PCDHA8: variants seen among roughly 807,000 people sequenced by gnomAD.
The protein encoded by PCDHA8 is protocadherin alpha 8.
Under a neutral mutation model 61.8 loss-of-function variants are expected in PCDHA8, and 53 were observed. The ratio of observed to expected loss-of-function variants is 0.86; its 90% CI spans 0.69 to 1.08. The LOEUF is 1.08. Among genes scored for constraint, PCDHA8 ranks in the 50% least tolerant of loss-of-function variants. PCDHA8 has a pLI of 0.00. For synonymous variants in PCDHA8, 618 were observed against 556.6 expected (o/e 1.11, Z -1.55); for missense variants, 1,293 against 1,245.0 (o/e 1.04, Z -0.58).
chr5:140,841,445 G>T lies in PCDHA8; in HGVS notation c.124G>T (p.Gly42Cys). The change falls in exon 1 of 4, where the codon GGC (glycine) becomes TGC (cysteine). Residue 42 changes from glycine to cysteine, a missense_variant. Coordinates refer to ENST00000531613, the MANE Select transcript of PCDHA8 (RefSeq NM_018911.3). ...CTCCGTCCCCGAGGAGGCCAAACAC[G>T]GCACCTTCGTGGGCCGGATCGCGCA... ...HYSVPEEAKH[G>C]TFVGRIAQDL... is the part of the protein sequence containing the mutation. 1 of 1,612,934 alleles carries T rather than the reference G, an allele frequency of 6.2e-7. No homozygotes were observed. Among genetic ancestry groups the T allele is most frequent in the South Asian group, 1.1e-5 (1 of 91,024 alleles).
At chr5:140,915,023 G>A (rs1273717052) in intron 1 of PCDHA8, among the ~76,000 whole-genome samples, 3 of 147,742 alleles carry the variant, frequency 2.0e-5, no homozygotes, top group African/African-American at 7.5e-5. Context: ...TTGGCTCACT[G>A]CAACTTCTGC....
In PCDHA8 at chr5:140,857,536, G is replaced by A. The variant is rs782533924; in HGVS notation, c.2394+13821G>A. The A allele has an allele frequency of 2.5e-6, 4 of 1,597,412 alleles. No homozygotes were observed. In the South Asian group the frequency reaches 4.4e-5, roughly 18 times the overall value. ...TGGTGTCCTACTCTCTGGTGGAGCG[G>A]CGGTTGGGCGAGCGCTCGCTGTCGA... On this transcript the variant is annotated intron_variant, in intron 1 of 3. Coordinates refer to ENST00000531613, the MANE Select transcript of PCDHA8 (RefSeq NM_018911.3).
At chr5:140,848,137 T>G in intron 1 of PCDHA8, 1 of 195,782 alleles carries the variant, frequency 5.1e-6, no homozygotes, top group Non-Finnish European at 1.1e-5. Context: ...ATACAAAACT[T>G]TTAGAGGCAG....
intron 1 of PCDHA8, chr5:140,855,950 C>A: frequency 7.3e-7 from 1 of 1,363,922 alleles, no homozygotes; most frequent in Non-Finnish European, 1.0e-6. Flanking sequence ...TCAGCCATTT[C>A]GATAAAAAAT....
rs1322777523 is a variant in PCDHA8 at position 140,961,683 on chromosome 5, A to G, written c.2395-17266A>G. Among the ~76,000 whole-genome samples, 6 of 152,224 alleles carry G rather than the reference A, an allele frequency of 3.9e-5. No homozygotes were observed. The East Asian group carries it at 1.2e-3, about 29-fold the overall frequency. ...AGTTACCAGTTTTTAATTAAGCCGGAGTAGTCCTTAGTATGAATGCCTTCA... is the reference window on the plus strand; with the variant it reads ...AGTTACCAGTTTTTAATTAAGCCGGGGTAGTCCTTAGTATGAATGCCTTCA... On this transcript the variant is annotated intron_variant, in intron 1 of 3. Transcript: ENST00000531613.
chr5:140,921,165 A>G (rs959305878), intron 1 of PCDHA8, among the ~76,000 whole-genome samples: 1 of 151,798 alleles, frequency 6.6e-6, no homozygotes, highest in Admixed American at 6.6e-5. Context: ...TTTTTTTAAC[A>G]CACATAAAGC....
chr5:141,006,872 G>T (rs1211849672), intron 3 of PCDHA8, among the ~76,000 whole-genome samples: 1 of 152,144 alleles, frequency 6.6e-6, no homozygotes, highest in Non-Finnish European at 1.5e-5. Flanking sequence ...ATAGATTCGA[G>T]GAATCAAGAG....
At chr5:140,940,497 C>T (rs1314378548) in intron 1 of PCDHA8, among the ~76,000 whole-genome samples, 1 of 151,818 alleles carries the variant, frequency 6.6e-6, no homozygotes, top group Non-Finnish European at 1.5e-5. Context: ...AAGTCTTGCT[C>T]CGTCGCTCAG....
Position 140,961,691 on chromosome 5 carries a change from T to A in PCDHA8, c.2395-17258T>A, listed in dbSNP as rs963909259. On this transcript the variant is annotated intron_variant, in intron 1 of 3. Transcript: ENST00000531613. Reference sequence around the variant, plus strand: ...GTTTTTAATTAAGCCGGAGTAGTCCTTAGTATGAATGCCTTCATTTCTAAG... The same window carrying A: ...GTTTTTAATTAAGCCGGAGTAGTCCATAGTATGAATGCCTTCATTTCTAAG... Among the ~76,000 whole-genome samples the A allele has an allele frequency of 2.0e-5, 3 of 152,340 alleles. No individual in the cohort carries two copies. In the East Asian group the frequency reaches 5.8e-4, roughly 29 times the overall value.
At chr5:140,943,008 G>A (rs2093405058) in intron 1 of PCDHA8, among the ~76,000 whole-genome samples, 2 of 152,052 alleles carry the variant, frequency 1.3e-5, no homozygotes, top group African/African-American at 4.8e-5. Context: ...TGTAATCCCA[G>A]CACTTTGGGA....
chr5:140,967,959 G>A lies in PCDHA8; in HGVS notation c.2395-10990G>A, dbSNP rs782716187. ...AATGACCAAGACTCAGGCCCCAACC[G>A]GAAAGTGAGCCTGGGTCTGGAGGCC... On this transcript the variant is annotated intron_variant, in intron 1 of 3. Transcript: ENST00000531613. The A allele has an allele frequency of 1.5e-5, 25 of 1,614,046 alleles. No individual in the cohort carries two copies. Among genetic ancestry groups the A allele is most frequent in the Non-Finnish European group, 1.9e-5 (23 of 1,180,058 alleles).
In PCDHA8 at chr5:140,869,539, A is replaced by G. The variant is rs782023058; in HGVS notation, c.2394+25824A>G. The G allele has an allele frequency of 2.5e-6, 4 of 1,614,088 alleles. No homozygotes were observed. The South Asian group carries it at 3.3e-5, about 13-fold the overall frequency. On this transcript the variant is annotated intron_variant, in intron 1 of 3. Coordinates refer to ENST00000531613, the MANE Select transcript of PCDHA8 (RefSeq NM_018911.3). ...ACAAAAGCTGCTGATTGCGGAATCT[A>G]AGCAATCGGACTCGCGTTTTCCACT...
At chr5:140,924,911 TAAAATA>T (rs1563069196) in intron 1 of PCDHA8, among the ~76,000 whole-genome samples, 7 of 59,704 alleles carry the variant, frequency 1.2e-4, no homozygotes, top group Non-Finnish European at 2.5e-4. Flanking sequence ...AAAAATAAAA[TAAAATA>T]AAATAAAATA....
intron 1 of PCDHA8, chr5:140,884,758 C>A (rs1582804628): frequency 2.1e-6 from 3 of 1,424,736 alleles, no homozygotes; most frequent in East Asian, 2.5e-5. Context: ...TCAAATTATT[C>A]TTTACTTTAA....
In PCDHA8 at chr5:140,856,514, G is replaced by C. The variant is rs781942781; in HGVS notation, c.2394+12799G>C. 1 of 1,598,422 alleles carries C rather than the reference G, an allele frequency of 6.3e-7. No individual in the cohort carries two copies. The highest frequency in any genetic ancestry group is 1.3e-5 in the African/African-American group (1 of 74,442). On this transcript the variant is annotated intron_variant, in intron 1 of 3. Coordinates refer to ENST00000531613, the MANE Select transcript of PCDHA8 (RefSeq NM_018911.3). ...TGACTCTCGATTTCCACTAGAAGGC[G>C]CATCTGATGCGGATGTTGGAGAGAA... is the stretch of plus-strand genomic sequence containing the variant.
chr5:140,980,699 A>G (rs1183109723), intron 2 of PCDHA8, among the ~76,000 whole-genome samples: 1 of 152,186 alleles, frequency 6.6e-6, no homozygotes, highest in African/African-American at 2.4e-5. Flanking sequence ...AAAAAAGCCA[A>G]ATGTGCTCCT....
At chr5:140,993,468 A>G (rs1327306188) in intron 3 of PCDHA8, among the ~76,000 whole-genome samples, 1 of 69,412 alleles carries the variant, frequency 1.4e-5, no homozygotes, top group African/African-American at 5.6e-5. Context: ...TTTCTCACAC[A>G]CACACACACA....
intron 1 of PCDHA8, among the ~76,000 whole-genome samples, chr5:140,917,013 A>G (rs565656440): frequency 2.6e-4 from 39 of 152,080 alleles, no homozygotes; most frequent in Non-Finnish European, 4.6e-4. Context: ...ATCTCCCTTC[A>G]TGTGCAGCTG....
At position 140,995,103 on chromosome 5, in the gene PCDHA8, C is replaced by T. The variant is rs535399594; in HGVS notation, c.2542+12540C>T. Reference sequence around the variant, plus strand: ...CAAACTTATCTGTGGAGATACATTCCAAGACCCTCAGTGGATGCCTGAAAC... The same window carrying T: ...CAAACTTATCTGTGGAGATACATTCTAAGACCCTCAGTGGATGCCTGAAAC... On this transcript the variant is annotated intron_variant, in intron 3 of 3. Coordinates refer to ENST00000531613, the MANE Select transcript of PCDHA8 (RefSeq NM_018911.3). 1.1e-4 allele frequency among the ~76,000 whole-genome samples: 16 copies of T among 152,290 alleles called. No individual in the cohort carries two copies. In the South Asian group the frequency reaches 2.9e-3, roughly 28 times the overall value.
Sources: gnomAD v4.1 joint callset for allele counts (sites outside exome capture counted in the v4.1 genomes callset) on GRCh38, gnomAD v4.1.1 for gene constraint, MANE v1.5 for transcripts, NCBI Gene and HGNC (gene_info 2026-07-23, HGNC 2026-07-21) for gene names.